The following STX8 variants were observed in gnomAD, a reference collection of about 807,000 sequenced individuals.
STX8 encodes syntaxin-8.
Under a neutral mutation model 37.5 loss-of-function variants are expected in STX8, and 23 were observed. The ratio of observed to expected loss-of-function variants is 0.61; its 90% CI spans 0.44 to 0.87. The LOEUF (loss-of-function observed/expected upper bound fraction) is 0.87. Ranked by LOEUF, STX8 falls within the 40% of genes least tolerant of loss-of-function variation. The pLI is 0.00. For synonymous variants in STX8, 115 were observed against 99.1 expected (o/e 1.16, Z -0.95); for missense variants, 313 against 284.7 (o/e 1.10, Z -0.71).
chr17:9,286,375 T>A (rs1908071881), intron 7 of STX8, among the ~76,000 whole-genome samples: 1 of 152,196 alleles, frequency 6.6e-6, no homozygotes, highest in African/African-American at 2.4e-5. Context: ...GACAACACTG[T>A]CTGTTATGTT....
chr17:9,327,355 GA>G (rs1169775675), intron 7 of STX8, among the ~76,000 whole-genome samples: 1 of 149,976 alleles, frequency 6.7e-6, no homozygotes, highest in Non-Finnish European at 1.5e-5. Context: ...GGAGGAGAAG[GA>G]GAGGGAGAGG....
At chr17:9,418,907 C>A (rs1355225266) in intron 6 of STX8, among the ~76,000 whole-genome samples, 1 of 148,334 alleles carries the variant, frequency 6.7e-6, no homozygotes, top group Non-Finnish European at 1.5e-5. Flanking sequence ...CCCACACCCC[C>A]CCCTCTTTTT....
chr17:9,513,641 T>C (rs1291103489), intron 4 of STX8, among the ~76,000 whole-genome samples: 1 of 152,148 alleles, frequency 6.6e-6, no homozygotes, highest in Admixed American at 6.5e-5. Flanking sequence ...TAACTAGAGC[T>C]ACCATATGAT....
intron 6 of STX8, among the ~76,000 whole-genome samples, chr17:9,399,046 C>T: frequency 8.8e-6 from 1 of 113,194 alleles, no homozygotes; most frequent in Admixed American, 9.5e-5. Context: ...GAGACTCCAG[C>T]TCAAAAAAAA....
At chr17:9,567,556 G>A (rs1597748810) in intron 2 of STX8, among the ~76,000 whole-genome samples, 1 of 152,182 alleles carries the variant, frequency 6.6e-6, no homozygotes, top group African/African-American at 2.4e-5. Context: ...GAAAGGTGTG[G>A]TGTTAGATTT....
chr17:9,367,020 T>C (rs1911249368), intron 7 of STX8, among the ~76,000 whole-genome samples: 1 of 152,048 alleles, frequency 6.6e-6, no homozygotes, highest in Admixed American at 6.6e-5. Flanking sequence ...CTGCCACTAA[T>C]AAGGTTGGGG....
intron 6 of STX8, among the ~76,000 whole-genome samples, chr17:9,471,325 T>C (rs1253550264): frequency 6.6e-6 from 1 of 151,678 alleles, no homozygotes; most frequent in Non-Finnish European, 1.5e-5. Flanking sequence ...CTAATTTTTA[T>C]ATTTTTTATT....
chr17:9,291,980 G>A (rs72814164), intron 7 of STX8, among the ~76,000 whole-genome samples: 24,679 of 152,208 alleles, frequency 0.16, 2,526 homozygotes, highest in Non-Finnish European at 0.22. Flanking sequence ...AAATCCTCCC[G>A]CCTTGCCTTA....
intron 2 of STX8, among the ~76,000 whole-genome samples, chr17:9,560,922 A>G (rs1907208977): frequency 6.6e-6 from 1 of 152,214 alleles, no homozygotes; most frequent in African/African-American, 2.4e-5. Context: ...GTAGTGCAAC[A>G]TAACAAATGG....
intron 6 of STX8, among the ~76,000 whole-genome samples, chr17:9,460,758 T>G (rs993446267): frequency 1.6e-4 from 25 of 152,028 alleles, no homozygotes; most frequent in African/African-American, 6.0e-4. Context: ...AATATGTATA[T>G]GGTGGTTAAA....
At chr17:9,462,720 C>G (rs1233215119) in intron 6 of STX8, among the ~76,000 whole-genome samples, 1 of 152,152 alleles carries the variant, frequency 6.6e-6, no homozygotes, top group East Asian at 1.9e-4. Context: ...GAGGCTCTGT[C>G]TCAACAACGA....
At chr17:9,390,091 G>T (rs1269380778) in intron 6 of STX8, among the ~76,000 whole-genome samples, 2 of 152,358 alleles carry the variant, frequency 1.3e-5, no homozygotes, top group East Asian at 3.9e-4. Flanking sequence ...AAGCTCCTTT[G>T]CCTGGCAGAA....
intron 7 of STX8, among the ~76,000 whole-genome samples, chr17:9,371,611 C>T (rs57481255): frequency 0.019 from 2,904 of 151,370 alleles, 78 homozygotes; most frequent in African/African-American, 0.066. Flanking sequence ...CTTCAAGATG[C>T]TAACATTTAT....
intron 6 of STX8, among the ~76,000 whole-genome samples, chr17:9,486,807 C>T (rs543868383): frequency 2.0e-5 from 3 of 151,862 alleles, no homozygotes; most frequent in Non-Finnish European, 4.4e-5. Flanking sequence ...TGCAGTGAGA[C>T]GTGACTGTGC....
chr17:9,548,738 T>G (rs1906649281), intron 3 of STX8, among the ~76,000 whole-genome samples: 1 of 152,024 alleles, frequency 6.6e-6, no homozygotes, highest in African/African-American at 2.4e-5. Context: ...TGGAATAATC[T>G]ACAAAATATA....
intron 6 of STX8, among the ~76,000 whole-genome samples, chr17:9,446,769 T>C (rs530125996): frequency 1.3e-5 from 2 of 152,204 alleles, no homozygotes; most frequent in East Asian, 3.9e-4. Flanking sequence ...AATGACTGAG[T>C]AGCAGTTTTT....
chr17:9,488,057 T>C (rs1452978395), intron 6 of STX8, among the ~76,000 whole-genome samples: 1 of 152,142 alleles, frequency 6.6e-6, no homozygotes, highest in African/African-American at 2.4e-5. Flanking sequence ...CTGGGTGCAG[T>C]GGCTCATGCC....
At chr17:9,566,446 G>A (rs756010443) in intron 2 of STX8, among the ~76,000 whole-genome samples, 25 of 152,184 alleles carry the variant, frequency 1.6e-4, no homozygotes, top group Non-Finnish European at 2.2e-4. Context: ...CAGCAATCCC[G>A]TTATTGGGTA....
intron 7 of STX8, among the ~76,000 whole-genome samples, chr17:9,304,507 C>CAAAAAAAAAAAAAAAAAAAAAAAAA (rs35673905): frequency 3.5e-5 from 2 of 56,878 alleles, no homozygotes; most frequent in Non-Finnish European, 6.5e-5. Context: ...GAAACTGTCT[C>CAAAAAAAAAAAAAAAAAAAAAAAAA]AAAAAAAAAA....
Sources: gnomAD v4.1 joint callset for allele counts (sites outside exome capture counted in the v4.1 genomes callset) on GRCh38, gnomAD v4.1.1 for gene constraint, MANE v1.5 for transcripts, NCBI Gene and HGNC (gene_info 2026-07-23, HGNC 2026-07-21) for gene names.